RASL10A: variants seen among roughly 807,000 people sequenced by gnomAD.
RASL10A encodes RAS like family 10 member A.
Under a neutral mutation model 17.3 loss-of-function variants are expected in RASL10A, and 13 were observed. The observed-to-expected ratio is 0.75, with a 90% CI of 0.49 to 1.20. The LOEUF (loss-of-function observed/expected upper bound fraction) is 1.20. Among genes scored for constraint, RASL10A ranks in the 50% most tolerant of loss-of-function variants. RASL10A has a pLI of 0.00. For synonymous variants in RASL10A, 159 were observed against 142.2 expected, an observed-to-expected ratio of 1.12 and a Z score of -0.84; for missense variants, 307 against 310.3, an observed-to-expected ratio of 0.99 and a Z score of 0.08.
upstream of RASL10A, among the ~76,000 whole-genome samples, chr22:29,317,469 G>A (rs184819419): frequency 3.3e-5 from 5 of 152,178 alleles, no homozygotes; most frequent in Admixed American, 3.3e-4. Context: ...TGAACTCCTG[G>A]CTTAAGCAAT....
Position 29,315,359 on chromosome 22 carries a change from C to A in RASL10A, c.-113G>T, listed in dbSNP as rs2061447683. 2 of 645,066 alleles carry A rather than the reference C, an allele frequency of 3.1e-6. No homozygotes were observed. The highest frequency in any genetic ancestry group is 4.3e-6 in the Non-Finnish European group (2 of 469,382). The allele number at this position is 645,066 out of a possible 1,614,324, so 40.0% of individuals were successfully genotyped here. On this transcript the variant is annotated 5_prime_UTR_variant, in exon 1 of 3. Transcript: ENST00000216101. This position sits in a 1 kb window ranked among gnomAD's most constrained non-coding sequence, Gnocchi z 5.5. ...CCTGCCCGGTGCGCCACGGCCCCGTCGCGCTTCTCGTCGCCCCTCGGAGCA... is the reference window on the plus strand; with the variant it reads ...CCTGCCCGGTGCGCCACGGCCCCGTAGCGCTTCTCGTCGCCCCTCGGAGCA...
rs117248834 is a variant in RASL10A at position 29,313,855 on chromosome 22, G to A, written c.344+8C>T. On this transcript the variant is annotated splice_region_variant and intron_variant, in intron 2 of 2. Coordinates refer to ENST00000216101, the MANE Select transcript of RASL10A (RefSeq NM_006477.5). ...AGCTCCCCACCGCCAGAACTGCCGG[G>A]CCCCTACCTGGTCTCCGCGATGCGC... The A allele has an allele frequency of 5.4e-5, 87 of 1,612,872 alleles. No homozygotes were observed. Among genetic ancestry groups the A allele is most frequent in the South Asian group, 4.4e-4 (40 of 91,080 alleles).
upstream of RASL10A, among the ~76,000 whole-genome samples, chr22:29,316,302 G>A (rs371282595): frequency 1.6e-3 from 239 of 152,304 alleles, no homozygotes; most frequent in African/African-American, 5.3e-3. Flanking sequence ...GCCCACGGGG[G>A]TAAATGGCCC....
Position 29,315,344 on chromosome 22 carries a change from GC to G in RASL10A, c.-99del, listed in dbSNP as rs1455811866. 5.7e-5 allele frequency: 45 copies of G among 785,468 alleles called. No individual in the cohort carries two copies. The highest frequency in any genetic ancestry group is 6.9e-5 in the Non-Finnish European group (41 of 593,660). 48.7% of individuals were successfully genotyped at this position (785,468 alleles called of 1,614,324 possible). On this transcript the variant is annotated 5_prime_UTR_variant, in exon 1 of 3. Coordinates refer to ENST00000216101, the MANE Select transcript of RASL10A (RefSeq NM_006477.5). The surrounding 1 kb of genome is among the most constrained non-coding windows in gnomAD (Gnocchi z 5.5). The stretch of plus-strand genomic sequence containing the variant: ...GTGCGCCCCGCGCGCCCTGCCCGGT[GC>G]GCCACGGCCCCGTCGCGCTTCTCGT...
At chr22:29,316,005 G>A (rs2061452219), upstream of RASL10A, among the ~76,000 whole-genome samples, 1 of 152,324 alleles carries the variant, frequency 6.6e-6, no homozygotes, top group Admixed American at 6.5e-5. Context: ...GGCCGCCCGG[G>A]GTCCGAATTG....
At chr22:29,315,928 G>A (rs916243042), upstream of RASL10A, among the ~76,000 whole-genome samples, 1 of 152,138 alleles carries the variant, frequency 6.6e-6, no homozygotes, top group African/African-American at 2.4e-5. This position sits in a 1 kb window ranked among gnomAD's most constrained non-coding sequence, Gnocchi z 5.5. Context: ...ACCCACTGCC[G>A]CGGCCGCTCT....
intron 1 of RASL10A, among the ~76,000 whole-genome samples, chr22:29,314,700 C>T (rs940736499): frequency 3.3e-5 from 5 of 152,142 alleles, no homozygotes; most frequent in Non-Finnish European, 5.9e-5. Context: ...GCTCAAGGCC[C>T]CAAACACAAA....
At chr22:29,314,305 C>T in intron 1 of RASL10A, 1 of 314,288 alleles carries the variant, frequency 3.2e-6, no homozygotes, top group Non-Finnish European at 6.0e-6. Flanking sequence ...ACCACGGCCT[C>T]TAAGACTAAT....
chr22:29,314,950 C>G, intron 1 of RASL10A, 78 bp downstream of exon 1: 1 of 1,217,642 alleles, frequency 8.2e-7, no homozygotes, highest in Non-Finnish European at 1.1e-6. Context: ...GAGGCCTCCA[C>G]GCGGACACGC....
chr22:29,315,925 G>A (rs1483285704), upstream of RASL10A, among the ~76,000 whole-genome samples: 1 of 152,138 alleles, frequency 6.6e-6, no homozygotes, highest in South Asian at 2.1e-4. This position sits in a 1 kb window ranked among gnomAD's most constrained non-coding sequence, Gnocchi z 5.5. Context: ...CCCACCCACT[G>A]CCGCGGCCGC....
In RASL10A at chr22:29,315,169, G is replaced by A. The variant is rs200595169; in HGVS notation, c.78C>T (p.Phe26=). The change falls in exon 1 of 3, where the codon TTC becomes TTT. Residue 26 remains phenylalanine, a synonymous_variant. Transcript: ENST00000216101. This position sits in a 1 kb window ranked among gnomAD's most constrained non-coding sequence, Gnocchi z 5.5. Reference sequence around the variant, plus strand: ...GCCGGTGGCGCTCGGGGTAGTCACCGAACAGGAACTGGCGGATGATGGCCG... The same window carrying A: ...GCCGGTGGCGCTCGGGGTAGTCACCAAACAGGAACTGGCGGATGATGGCCG... ...GKTAIIRQFL[F]GDYPERHRPT... The A allele has an allele frequency of 5.3e-5, 81 of 1,540,670 alleles. No homozygotes were observed. The highest frequency in any genetic ancestry group is 6.5e-5 in the Non-Finnish European group (75 of 1,149,946).
At chr22:29,313,817 C>A in intron 2 of RASL10A, 46 bp downstream of exon 2, 1 of 1,607,084 alleles carries the variant, frequency 6.2e-7, no homozygotes, top group Non-Finnish European at 8.5e-7. Flanking sequence ...AAAGGCCCTG[C>A]CAGACCTGTC....
intron 1 of RASL10A, 41 bp downstream of exon 1, chr22:29,314,978 GCACACCCCT>G: frequency 7.3e-7 from 1 of 1,377,506 alleles, no homozygotes; most frequent in South Asian, 1.5e-5. Context: ...CACCGAGCAC[GCACACCCCT>G]CACACTGTCA....
chr22:29,313,934 G>C lies in RASL10A; in HGVS notation c.273C>G (p.Leu91=), dbSNP rs893213799. ...WSLQDTDAFV[L]VYDICSPDSF... ...TGTCCGGGCTGCAGATGTCGTAGAC[G>C]AGCACGAAGGCGTCCGTGTCCTGCA... Residue 91 remains leucine (L), a synonymous_variant, in exon 2 of 3, where the codon CTC becomes CTG. Coordinates refer to ENST00000216101, the MANE Select transcript of RASL10A (RefSeq NM_006477.5). The C allele has an allele frequency of 3.7e-6, 6 of 1,613,810 alleles. No homozygotes were observed. The highest frequency in any genetic ancestry group is 2.2e-5 in the East Asian group (1 of 44,886).
At chr22:29,318,580 G>T (rs2061463583), upstream of RASL10A, among the ~76,000 whole-genome samples, 1 of 152,202 alleles carries the variant, frequency 6.6e-6, no homozygotes, top group Non-Finnish European at 1.5e-5. Flanking sequence ...GCAGCCCTGT[G>T]CCAGGCTTCC....
intron 1 of RASL10A, among the ~76,000 whole-genome samples, chr22:29,314,652 C>A (rs921428917): frequency 2.0e-5 from 3 of 152,274 alleles, no homozygotes; most frequent in African/African-American, 7.2e-5. Context: ...AGAAAGTACA[C>A]CCCTGCTCCT....
rs532086340 is a variant in RASL10A at position 29,315,445 on chromosome 22, C to G, written c.-199G>C. 107 of 298,324 alleles carry G rather than the reference C, an allele frequency of 3.6e-4. 2 individuals carry two copies. Among genetic ancestry groups the G allele is most frequent in the African/African-American group, 2.2e-3 (100 of 45,180 alleles). The allele number at this position is 298,324 out of a possible 1,614,324, so 18.5% of individuals were successfully genotyped here. ...GGCGGCGGGAGGGCAGACAGACAGC[C>G]GAGTGGGCAGACAGGTGGCGGGCGC... On this transcript the variant is annotated 5_prime_UTR_variant, in exon 1 of 3. Transcript: ENST00000216101. This position sits in a 1 kb window ranked among gnomAD's most constrained non-coding sequence, Gnocchi z 5.5.
upstream of RASL10A, among the ~76,000 whole-genome samples, chr22:29,315,981 G>A (rs1208392365): frequency 1.3e-5 from 2 of 152,200 alleles, no homozygotes; most frequent in Non-Finnish European, 2.9e-5. This position sits in a 1 kb window ranked among gnomAD's most constrained non-coding sequence, Gnocchi z 5.5. Flanking sequence ...GACAAGCCCC[G>A]GCCCCCGGAG....
chr22:29,315,194 G>T lies in RASL10A; in HGVS notation c.53C>A (p.Thr18Lys). ...AVLGAPGVGKTAIIRQFLFGD... is the reference protein window; with the variant it reads ...AVLGAPGVGKKAIIRQFLFGD... ...GAACAGGAACTGGCGGATGATGGCCGTCTTGCCCACGCCCGGGGCGCCTAG... is the reference window on the plus strand; with the variant it reads ...GAACAGGAACTGGCGGATGATGGCCTTCTTGCCCACGCCCGGGGCGCCTAG... Residue 18 changes from threonine to lysine, a missense_variant, in exon 1 of 3, where the codon ACG becomes AAG. By Grantham distance (78) the Thr-to-Lys change is moderately conservative (BLOSUM62 -1). Coordinates refer to ENST00000216101, the MANE Select transcript of RASL10A (RefSeq NM_006477.5). The surrounding 1 kb of genome is among the most constrained non-coding windows in gnomAD (Gnocchi z 5.5). 6.5e-7 allele frequency: 1 copy of T among 1,536,822 alleles called. No homozygotes were observed. Among genetic ancestry groups the T allele is most frequent in the Non-Finnish European group, 8.7e-7 (1 of 1,149,312 alleles).
Sources: gnomAD v4.1 joint callset for allele counts (sites outside exome capture counted in the v4.1 genomes callset) on GRCh38, gnomAD v4.1.1 for gene constraint, Gnocchi (gnomAD v3.1) non-coding constraint, MANE v1.5 for transcripts, NCBI Gene and HGNC (gene_info 2026-07-23, HGNC 2026-07-21) for gene names.